Variants in PTPN9 observed in about 807,000 individuals in gnomAD.
The protein encoded by PTPN9 is protein tyrosine phosphatase non-receptor type 9.
A neutral mutation model predicts 69.8 loss-of-function variants in PTPN9; 26 were observed. The ratio of observed to expected loss-of-function variants is 0.37; its 90% confidence interval spans 0.27 to 0.52. The LOEUF (loss-of-function observed/expected upper bound fraction) is 0.52. Among genes scored for constraint, PTPN9 ranks in the 20% least tolerant of loss-of-function variants. The pLI, the probability that PTPN9 is intolerant of heterozygous loss-of-function variation, is 0.91. For missense variants in PTPN9, 549 were observed against 740.3 expected (o/e 0.74, Z 3.00); for synonymous variants, 274 against 272.5 (o/e 1.01, Z -0.05).
chr15:75,472,132 T>C (rs534417063), intron 10 of PTPN9, among the ~76,000 whole-genome samples: 30 of 152,152 alleles, frequency 2.0e-4, no homozygotes, highest in Non-Finnish European at 3.8e-4. Flanking sequence ...ATTTGCCAGA[T>C]TTGTAGACCA....
At chr15:75,577,703 CAA>C (rs2075179726) in intron 1 of PTPN9, among the ~76,000 whole-genome samples, 1 of 152,234 alleles carries the variant, frequency 6.6e-6, no homozygotes, top group African/African-American at 2.4e-5. Context: ...TCCTTGGAAA[CAA>C]GAGCTGTAGA....
At chr15:75,549,354 C>T (rs542392119) in intron 1 of PTPN9, among the ~76,000 whole-genome samples, 3 of 152,140 alleles carry the variant, frequency 2.0e-5, no homozygotes, top group South Asian at 4.2e-4. Flanking sequence ...GGGTGGACCA[C>T]CACACTTGGC....
chr15:75,561,725 TTG>T (rs2075104821), intron 1 of PTPN9, among the ~76,000 whole-genome samples: 1 of 152,084 alleles, frequency 6.6e-6, no homozygotes, highest in Non-Finnish European at 1.5e-5. Context: ...TTACTTTTAT[TTG>T]AGAAAGAGTT....
intron 8 of PTPN9, among the ~76,000 whole-genome samples, chr15:75,484,280 C>A (rs1052743140): frequency 6.6e-6 from 1 of 152,120 alleles, no homozygotes; most frequent in Non-Finnish European, 1.5e-5. Flanking sequence ...AGCACAGGAC[C>A]AAATGAGAGG....
At chr15:75,491,485 T>G (rs2074710842) in intron 7 of PTPN9, among the ~76,000 whole-genome samples, 1 of 151,892 alleles carries the variant, frequency 6.6e-6, no homozygotes, top group South Asian at 2.1e-4. Flanking sequence ...CAGAAATTGG[T>G]ACTAAGAAGT....
At chr15:75,554,406 C>G (rs1377700948) in intron 1 of PTPN9, among the ~76,000 whole-genome samples, 3 of 151,886 alleles carry the variant, frequency 2.0e-5, no homozygotes, top group African/African-American at 7.3e-5. Flanking sequence ...GTTGGTCAGG[C>G]TGGTCTCAAA....
At chr15:75,513,022 T>C in intron 5 of PTPN9, 1 of 401,714 alleles carries the variant, frequency 2.5e-6, no homozygotes, top group Non-Finnish European at 4.9e-6. Flanking sequence ...TGAGGAAAGG[T>C]TTGGGATTGA....
intron 1 of PTPN9, among the ~76,000 whole-genome samples, chr15:75,575,006 CAGAGGAGACG>C (rs1310210554): frequency 0.5 from 1 of 2 alleles, no homozygotes; most frequent in South Asian, 0.5. Context: ...TTTTTTGAGA[CAGAGGAGACG>C]GAGTCTCGCT....
chr15:75,552,029 G>A (rs1221638367), intron 1 of PTPN9, among the ~76,000 whole-genome samples: 1 of 147,608 alleles, frequency 6.8e-6, no homozygotes, highest in Non-Finnish European at 1.5e-5. Context: ...GTGACAGAGT[G>A]AGACTCCATC....
At chr15:75,485,955 CT>C (rs2074673596) in intron 8 of PTPN9, among the ~76,000 whole-genome samples, 2 of 151,680 alleles carry the variant, frequency 1.3e-5, no homozygotes, top group African/African-American at 4.8e-5. Context: ...AAAAAATTAG[CT>C]GGGTGTGGTG....
chr15:75,491,841 G>A (rs181526514), intron 7 of PTPN9, among the ~76,000 whole-genome samples: 33 of 152,300 alleles, frequency 2.2e-4, no homozygotes, highest in Non-Finnish European at 3.4e-4. Flanking sequence ...TCCAGCTGCA[G>A]ATAAAAATTT....
chr15:75,484,030 G>A (rs2074659632), intron 8 of PTPN9, among the ~76,000 whole-genome samples: 1 of 152,178 alleles, frequency 6.6e-6, no homozygotes, highest in South Asian at 2.1e-4. Context: ...ACTAGAAGCA[G>A]GGAGTTCTCT....
intron 7 of PTPN9, among the ~76,000 whole-genome samples, chr15:75,496,276 A>G (rs2074740715): frequency 1.3e-5 from 2 of 151,822 alleles, no homozygotes; most frequent in African/African-American, 4.8e-5. Flanking sequence ...TCTGTTCTAA[A>G]AATTAAAAAA....
intron 1 of PTPN9, among the ~76,000 whole-genome samples, chr15:75,542,990 C>G (rs1023372844): frequency 2.0e-5 from 2 of 101,134 alleles, no homozygotes; most frequent in African/African-American, 7.9e-5. Context: ...CTAATGCTAT[C>G]CCTCCCCCCT....
At chr15:75,519,929 G>GA (rs1369000872) in intron 4 of PTPN9, among the ~76,000 whole-genome samples, 2 of 152,028 alleles carry the variant, frequency 1.3e-5, no homozygotes, top group African/African-American at 4.8e-5. Context: ...AGAAGTTCGA[G>GA]ACCAGCCTGG....
At chr15:75,556,197 G>A (rs1486048307) in intron 1 of PTPN9, among the ~76,000 whole-genome samples, 1 of 150,922 alleles carries the variant, frequency 6.6e-6, no homozygotes, top group East Asian at 1.9e-4. Flanking sequence ...CCGAGTAGCT[G>A]GGATTACAGG....
chr15:75,479,965 G>A (rs2074619302), intron 8 of PTPN9, 51 bp from the exon 9 acceptor site: 1 of 1,301,864 alleles, frequency 7.7e-7, no homozygotes, highest in Middle Eastern at 1.9e-4. Flanking sequence ...ACACCATTTG[G>A]GTCATAAAAT....
rs754514106 is a variant in PTPN9, at chr15:75,508,920, C to T, written c.636G>A (p.Glu212=). 1 of 1,611,690 alleles carries T rather than the reference C, an allele frequency of 6.2e-7. No homozygotes were observed. The highest frequency in any genetic ancestry group is 1.1e-5 in the South Asian group (1 of 90,930). The change falls in exon 6 of 13, where the codon GAG becomes GAA. Residue 212 remains glutamate, a synonymous_variant. Transcript: ENST00000618819. ...AAAAAGGGCAAGCTTGCCTTACCCT[C>T]TCCCGGACTTTGTCCTTCAGGAGGA... ...ISLLLKDKVR[E]RIQILKTSEV... is the part of the protein sequence containing the mutation.
intron 5 of PTPN9, among the ~76,000 whole-genome samples, chr15:75,515,032 C>G (rs935357271): frequency 6.6e-6 from 1 of 152,102 alleles, no homozygotes; most frequent in Non-Finnish European, 1.5e-5. Flanking sequence ...ACAATCTACT[C>G]CTAAGTGTAT....
Sources: allele counts gnomAD v4.1 joint callset (sites outside exome capture counted in the v4.1 genomes callset), GRCh38; gene constraint gnomAD v4.1.1; transcripts MANE v1.5; gene names NCBI Gene and HGNC (gene_info 2026-07-23, HGNC 2026-07-21).